NLGN1: variants seen among roughly 807,000 people sequenced by gnomAD.
The protein encoded by NLGN1 is neuroligin 1, also known as neuroligin-1.
NLGN1 carries 12 observed loss-of-function variants against 65.5 expected under a neutral mutation model. The observed-to-expected ratio is 0.18, with a 90% CI of 0.12 to 0.30. The LOEUF (loss-of-function observed/expected upper bound fraction) is 0.30, where lower values mean the gene tolerates loss of function less well. NLGN1 is among the 10% of genes least tolerant of loss of function. NLGN1 has a pLI of 1.00. For synonymous variants in NLGN1, 350 were observed against 359.5 expected (o/e 0.97, Z 0.30); for missense variants, 750 against 1,007.1 (o/e 0.74, Z 3.46).
chr3:173,650,595 C>G (rs77433430), intron 3 of NLGN1, among the ~76,000 whole-genome samples: 3 of 152,050 alleles, frequency 2.0e-5, no homozygotes, highest in Non-Finnish European at 4.4e-5. Context: ...TGAGTGGTGT[C>G]TATATGGTTT....
chr3:173,804,918 C>T (rs1438732118), intron 3 of NLGN1, among the ~76,000 whole-genome samples: 6 of 151,962 alleles, frequency 3.9e-5, no homozygotes, highest in Non-Finnish European at 8.8e-5. Flanking sequence ...CCCAACTACT[C>T]GGGAGGCTGA....
At chr3:173,779,978 A>G (rs766472396) in intron 3 of NLGN1, among the ~76,000 whole-genome samples, 3 of 152,186 alleles carry the variant, frequency 2.0e-5, no homozygotes, top group Non-Finnish European at 2.9e-5. Flanking sequence ...TGTCTTTGCC[A>G]GAAAATGTTA....
At chr3:173,795,490 T>A (rs1713842769) in intron 3 of NLGN1, among the ~76,000 whole-genome samples, 1 of 152,162 alleles carries the variant, frequency 6.6e-6, no homozygotes, top group South Asian at 2.1e-4. Context: ...TGATTCCAAA[T>A]CAGTCACTTT....
intron 2 of NLGN1, among the ~76,000 whole-genome samples, chr3:173,564,052 CTT>C (rs1255942752): frequency 6.6e-6 from 1 of 152,244 alleles, no homozygotes; most frequent in East Asian, 1.9e-4. Context: ...AGTGCCGTCT[CTT>C]GTCTTGCTTC....
At chr3:174,060,154 T>C (rs1025056471) in intron 4 of NLGN1, among the ~76,000 whole-genome samples, 4 of 152,260 alleles carry the variant, frequency 2.6e-5, no homozygotes, top group Admixed American at 2.0e-4. Context: ...TATTTCACCA[T>C]GGTATAAAAT....
At chr3:173,751,176 T>C (rs1776253487) in intron 3 of NLGN1, among the ~76,000 whole-genome samples, 1 of 152,116 alleles carries the variant, frequency 6.6e-6, no homozygotes, top group Non-Finnish European at 1.5e-5. Flanking sequence ...ACATCTATAA[T>C]AGGACTATAC....
chr3:173,467,087 TATC>T (rs1424068143), intron 2 of NLGN1, among the ~76,000 whole-genome samples: 14 of 152,286 alleles, frequency 9.2e-5, no homozygotes, highest in Non-Finnish European at 1.5e-4. Context: ...AAACCAGTGT[TATC>T]AAGATGATTT....
intron 4 of NLGN1, among the ~76,000 whole-genome samples, chr3:173,923,225 G>A (rs1002655120): frequency 3.3e-5 from 5 of 152,128 alleles, no homozygotes; most frequent in Non-Finnish European, 7.4e-5. Flanking sequence ...GGTTGCTAGG[G>A]TCTGTGGGAA....
intron 3 of NLGN1, among the ~76,000 whole-genome samples, chr3:173,745,791 G>A (rs954159386): frequency 2.6e-5 from 4 of 151,948 alleles, no homozygotes; most frequent in African/African-American, 4.8e-5. Flanking sequence ...AGAAAGAAGC[G>A]GTCTGATTTC....
intron 4 of NLGN1, among the ~76,000 whole-genome samples, chr3:174,102,199 T>C (rs1186970267): frequency 6.6e-6 from 1 of 152,182 alleles, no homozygotes; most frequent in Non-Finnish European, 1.5e-5. Flanking sequence ...TGATATGTAG[T>C]ATAAAAAATC....
At chr3:174,003,245 TTTTCTTTTTA>T (rs1723668115) in intron 4 of NLGN1, among the ~76,000 whole-genome samples, 3 of 152,188 alleles carry the variant, frequency 2.0e-5, no homozygotes, top group African/African-American at 7.2e-5. Flanking sequence ...GCAAAGGTTA[TTTTCTTTTTA>T]TGAAAATAAC....
At chr3:174,238,944 G>C (rs1393563300) in intron 4 of NLGN1, among the ~76,000 whole-genome samples, 2 of 152,154 alleles carry the variant, frequency 1.3e-5, no homozygotes, top group African/African-American at 4.8e-5. Context: ...GCTACTCAAT[G>C]GGGTTGGTGG....
At chr3:173,765,110 A>C (rs984760404) in intron 3 of NLGN1, among the ~76,000 whole-genome samples, 93 of 151,490 alleles carry the variant, frequency 6.1e-4, no homozygotes, top group African/African-American at 2.2e-3. Context: ...ATGTATGCAC[A>C]CATACATTTG....
intron 4 of NLGN1, among the ~76,000 whole-genome samples, chr3:174,265,552 C>G (rs531665858): frequency 9.5e-4 from 145 of 151,868 alleles, no homozygotes; most frequent in African/African-American, 3.3e-3. Context: ...ACACGGTGCG[C>G]GCACCCACTG....
intron 3 of NLGN1, among the ~76,000 whole-genome samples, chr3:173,676,270 T>G (rs1388050957): frequency 6.6e-6 from 1 of 152,078 alleles, no homozygotes; most frequent in Non-Finnish European, 1.5e-5. Context: ...CTATAGAATC[T>G]TAGCAGTCTG....
chr3:173,424,615 A>G (rs957726518), intron 1 of NLGN1, among the ~76,000 whole-genome samples: 1 of 152,210 alleles, frequency 6.6e-6, no homozygotes, highest in Non-Finnish European at 1.5e-5. Context: ...ACAGATGTCT[A>G]GGGCAGGGGC....
chr3:173,757,998 C>G (rs1486160466), intron 3 of NLGN1, among the ~76,000 whole-genome samples: 1 of 151,984 alleles, frequency 6.6e-6, no homozygotes, highest in Non-Finnish European at 1.5e-5. Flanking sequence ...AGCTCTAAGC[C>G]TCAAGGTGTC....
intron 3 of NLGN1, among the ~76,000 whole-genome samples, chr3:173,667,663 T>G (rs1402436947): frequency 6.6e-6 from 1 of 152,180 alleles, no homozygotes; most frequent in Non-Finnish European, 1.5e-5. Flanking sequence ...CAAGTCTCAC[T>G]CTGTTGCCCA....
At chr3:173,835,580 T>TACACACAC (rs57183549) in intron 4 of NLGN1, among the ~76,000 whole-genome samples, 7,958 of 146,242 alleles carry the variant, frequency 0.054, 324 homozygotes, top group African/African-American at 0.11. Flanking sequence ...TTCAAACACA[T>TACACACAC]ACACACACAC....
Sources: allele counts gnomAD v4.1 joint callset (sites outside exome capture counted in the v4.1 genomes callset), GRCh38; gene constraint gnomAD v4.1.1; transcripts MANE v1.5; gene names NCBI Gene and HGNC (gene_info 2026-07-23, HGNC 2026-07-21).